Variants in LIPI observed in about 807,000 individuals in gnomAD.
The protein encoded by LIPI is lipase member I.
A neutral mutation model predicts 50.6 loss-of-function variants in LIPI; 59 were observed. The observed-to-expected ratio is 1.16, with a 90% confidence interval of 0.94 to 1.45. LIPI has a LOEUF of 1.45. Among genes scored for constraint, LIPI ranks in the 40% most tolerant of loss-of-function variants. The pLI is 0.00. For synonymous variants in LIPI, 203 were observed against 178.2 expected, an observed-to-expected ratio of 1.14 and a Z score of -1.11; for missense variants, 586 against 536.3, an observed-to-expected ratio of 1.09 and a Z score of -0.92.
chr21:14,170,052 A>G (rs2018836390), intron 4 of LIPI, among the ~76,000 whole-genome samples: 1 of 152,246 alleles, frequency 6.6e-6, no homozygotes, highest in Non-Finnish European at 1.5e-5. Flanking sequence ...ATCCCACAGA[A>G]ATACAAACTA....
At chr21:14,175,961 A>G (rs9984833) in intron 4 of LIPI, among the ~76,000 whole-genome samples, 46,383 of 151,862 alleles carry the variant, frequency 0.31, 7,408 homozygotes, top group African/African-American at 0.36. Flanking sequence ...GGCGGATCAC[A>G]AGGTCAGGAG....
chr21:14,146,109 A>G (rs1393153561), intron 8 of LIPI, among the ~76,000 whole-genome samples: 1 of 152,146 alleles, frequency 6.6e-6, no homozygotes, highest in African/African-American at 2.4e-5. Context: ...AGTGTTTTCA[A>G]TTACCAACAG....
At chr21:14,162,363 G>T (rs1432658381) in intron 7 of LIPI, among the ~76,000 whole-genome samples, 1 of 151,688 alleles carries the variant, frequency 6.6e-6, no homozygotes, top group Non-Finnish European at 1.5e-5. Context: ...TTGTGGTGAT[G>T]AACTGTTCAG....
At chr21:14,191,621 T>C (rs1259501925) in intron 1 of LIPI, among the ~76,000 whole-genome samples, 1 of 152,130 alleles carries the variant, frequency 6.6e-6, no homozygotes, top group African/African-American at 2.4e-5. Context: ...GAAAATAGGT[T>C]GGTGTGTTAT....
chr21:14,159,886 T>G (rs945556138), intron 7 of LIPI, among the ~76,000 whole-genome samples: 2 of 151,254 alleles, frequency 1.3e-5, no homozygotes, highest in Admixed American at 6.6e-5. Context: ...CATTTTACAA[T>G]TACTCCCCAA....
intron 9 of LIPI, among the ~76,000 whole-genome samples, chr21:14,126,515 CA>C (rs538512610): frequency 7.7e-4 from 117 of 152,212 alleles, no homozygotes; most frequent in African/African-American, 2.6e-3. Context: ...AATAGCAGAT[CA>C]AAAATATTTG....
At chr21:14,133,098 C>T (rs868158481) in intron 9 of LIPI, among the ~76,000 whole-genome samples, 3 of 152,124 alleles carry the variant, frequency 2.0e-5, no homozygotes, top group African/African-American at 7.2e-5. Flanking sequence ...TAATACATAT[C>T]CTCATGAAAC....
At position 14,166,293 on chromosome 21, in the gene LIPI, GA is replaced by G; in HGVS notation, c.733+68del. ...AAACACTGCCTACAGATTAAGAGGGGAAAAGTAAGTTATTTTCTTTCATCAT... is the reference window on the plus strand; with the variant it reads ...AAACACTGCCTACAGATTAAGAGGGGAAAGTAAGTTATTTTCTTTCATCAT... On this transcript the variant is annotated intron_variant, in intron 5 of 9. Coordinates refer to ENST00000681601, the MANE Select transcript of LIPI (RefSeq NM_001302998.2). 5 of 925,200 alleles carry G rather than the reference GA, an allele frequency of 5.4e-6. 1 individual carries two copies. Among genetic ancestry groups the G allele is most frequent in the South Asian group, 3.9e-5 (3 of 77,192 alleles). 57.3% of individuals were successfully genotyped at this position (925,200 alleles called of 1,614,324 possible).
At chr21:14,188,323 T>G (rs1039037792) in intron 2 of LIPI, among the ~76,000 whole-genome samples, 1 of 152,088 alleles carries the variant, frequency 6.6e-6, no homozygotes, top group African/African-American at 2.4e-5. Context: ...ATCCCAGCAC[T>G]TTGGGAGGCC....
chr21:14,209,913 A>G (rs1044274161), intron 1 of LIPI, among the ~76,000 whole-genome samples: 2 of 152,014 alleles, frequency 1.3e-5, no homozygotes, highest in Non-Finnish European at 2.9e-5. Context: ...ATAAATTATA[A>G]ACTACATATC....
chr21:14,172,993 A>C (rs1489811730), intron 4 of LIPI, among the ~76,000 whole-genome samples: 1 of 152,232 alleles, frequency 6.6e-6, no homozygotes, highest in African/African-American at 2.4e-5. Context: ...AATAAGTGCT[A>C]TGGAGAACAG....
intron 9 of LIPI, among the ~76,000 whole-genome samples, chr21:14,114,585 A>G (rs1255061783): frequency 6.6e-6 from 1 of 152,168 alleles, no homozygotes; most frequent in South Asian, 2.1e-4. Flanking sequence ...CTCAGAGGAG[A>G]GTATCCCCGA....
intron 1 of LIPI, among the ~76,000 whole-genome samples, chr21:14,206,578 C>CT (rs35027455): frequency 2.6e-5 from 4 of 151,068 alleles, no homozygotes; most frequent in Admixed American, 6.6e-5. Context: ...AGATTTAACC[C>CT]TTTTTTTTTC....
chr21:14,173,130 T>C (rs1480810424), intron 4 of LIPI, among the ~76,000 whole-genome samples: 2 of 152,170 alleles, frequency 1.3e-5, no homozygotes, highest in Non-Finnish European at 2.9e-5. Flanking sequence ...TGTGAGGCGG[T>C]GACCCCAGTG....
In LIPI at chr21:14,165,292, A is replaced by G. The variant is rs774924639; in HGVS notation, c.832T>C (p.Tyr278His). 4 of 1,612,682 alleles carry G rather than the reference A, an allele frequency of 2.5e-6. No individual in the cohort carries two copies. Among genetic ancestry groups the G allele is most frequent in the Non-Finnish European group, 2.5e-6 (3 of 1,178,846 alleles). ...CATAAGCTAGTCTTGTAATCTTTGT[A>G]TGAACGACAAGGAAATGAAATAAAA... ...CNFISFPCRS[Y>H]KDYKTSLCVD... The change falls in exon 6 of 10, where the codon TAC (tyrosine) becomes CAC (histidine). Residue 278 changes from tyrosine to histidine, a missense_variant. Physicochemically the swap from Tyr to His is moderately conservative, Grantham distance 83 (BLOSUM62 2). Transcript: ENST00000681601.
intron 3 of LIPI, among the ~76,000 whole-genome samples, chr21:14,185,041 T>A (rs1207972096): frequency 3.3e-5 from 5 of 152,210 alleles, no homozygotes; most frequent in African/African-American, 1.2e-4. Flanking sequence ...TAGATATGAA[T>A]AATTGCTTTT....
intron 4 of LIPI, among the ~76,000 whole-genome samples, chr21:14,180,505 TAGAA>T (rs2019235588): frequency 6.6e-6 from 1 of 152,112 alleles, no homozygotes; most frequent in African/African-American, 2.4e-5. Flanking sequence ...TTATGGAAAA[TAGAA>T]AGAACCTACA....
At chr21:14,194,638 T>G (rs1400985806) in intron 1 of LIPI, among the ~76,000 whole-genome samples, 3 of 113,776 alleles carry the variant, frequency 2.6e-5, no homozygotes, top group Admixed American at 2.4e-4. Context: ...TGCCCTGGGC[T>G]GAGGGAAAAG....
chr21:14,172,994 T>C (rs2018973657), intron 4 of LIPI, among the ~76,000 whole-genome samples: 2 of 152,146 alleles, frequency 1.3e-5, no homozygotes, highest in Admixed American at 6.5e-5. Flanking sequence ...ATAAGTGCTA[T>C]GGAGAACAGT....
Sources: allele counts gnomAD v4.1 joint callset (sites outside exome capture counted in the v4.1 genomes callset), GRCh38; gene constraint gnomAD v4.1.1; transcripts MANE v1.5; gene names NCBI Gene and HGNC (gene_info 2026-07-23, HGNC 2026-07-21).